ABI2: variants seen among roughly 807,000 people sequenced by gnomAD.
ABI2 encodes abl interactor 2, also known as abelson interactor 2.
ABI2 carries 25 observed loss-of-function variants against 59.2 expected under a neutral mutation model. The ratio of observed to expected loss-of-function variants is 0.42; its 90% CI spans 0.31 to 0.59. ABI2 has a LOEUF of 0.59. Ranked by LOEUF, ABI2 falls within the 20% of genes least tolerant of loss-of-function variation. ABI2 has a pLI of 0.14. For synonymous variants in ABI2, 213 were observed against 235.5 expected, an observed-to-expected ratio of 0.90 and a Z score of 0.87; for missense variants, 545 against 681.8, an observed-to-expected ratio of 0.80 and a Z score of 2.23.
At chr2:203,413,268 A>T (rs1419027964) in intron 10 of ABI2, among the ~76,000 whole-genome samples, 1 of 152,218 alleles carries the variant, frequency 6.6e-6, no homozygotes, top group Non-Finnish European at 1.5e-5. Flanking sequence ...TTAGCAAAAA[A>T]TGAGACTTGA....
At chr2:203,385,273 A>G (rs2096448053) in intron 4 of ABI2, among the ~76,000 whole-genome samples, 1 of 151,094 alleles carries the variant, frequency 6.6e-6, no homozygotes. Context: ...CTGGGACTAC[A>G]GGCGCCCGCC....
At chr2:203,388,063 A>G (rs536438935) in intron 4 of ABI2, among the ~76,000 whole-genome samples, 73 of 152,260 alleles carry the variant, frequency 4.8e-4, no homozygotes, top group African/African-American at 1.5e-3. Flanking sequence ...GATTTTACCT[A>G]TTATAAAAAT....
chr2:203,405,789 T>C (rs1009130250), intron 9 of ABI2, among the ~76,000 whole-genome samples: 5 of 152,144 alleles, frequency 3.3e-5, no homozygotes, highest in Non-Finnish European at 5.9e-5. Flanking sequence ...GAAGGTTTCA[T>C]GTGAATATAA....
chr2:203,363,970 G>A (rs1369140235), intron 1 of ABI2, among the ~76,000 whole-genome samples: 1 of 151,910 alleles, frequency 6.6e-6, no homozygotes, highest in Non-Finnish European at 1.5e-5. Context: ...TACCATGTTG[G>A]TCAGGCTGGT....
intron 1 of ABI2, 66 bp downstream of exon 1, chr2:203,328,697 G>A: frequency 1.7e-6 from 2 of 1,143,982 alleles, no homozygotes; most frequent in Non-Finnish European, 2.4e-6. Context: ...GCCTCGGGGC[G>A]TGGGGCCGAG....
chr2:203,337,354 C>T (rs981933359), intron 1 of ABI2, among the ~76,000 whole-genome samples: 2 of 152,124 alleles, frequency 1.3e-5, no homozygotes, highest in African/African-American at 4.8e-5. Flanking sequence ...ATATTAACTA[C>T]AAACGATCTG....
Position 203,414,355 on chromosome 2 carries a change from G to C in ABI2, c.1280-2553G>C, listed in dbSNP as rs867177836. ...GAGCTCAAATGATCCTCCTGCCTCAGCCTCCCAAAGTGCTGGGATTACAGG... is the reference window on the plus strand; with the variant it reads ...GAGCTCAAATGATCCTCCTGCCTCACCCTCCCAAAGTGCTGGGATTACAGG... On this transcript the variant is annotated intron_variant, in intron 10 of 11. Coordinates refer to ENST00000261018, the MANE Select transcript of ABI2 (RefSeq NM_001375670.1). Among the ~76,000 whole-genome samples, 11 of 152,234 alleles carry C rather than the reference G, an allele frequency of 7.2e-5. No homozygotes were observed. In the Middle Eastern group the frequency reaches 0.031, roughly 424 times the overall value.
intron 1 of ABI2, among the ~76,000 whole-genome samples, chr2:203,353,073 A>G (rs549317656): frequency 1.2e-4 from 19 of 152,348 alleles, no homozygotes; most frequent in Non-Finnish European, 2.6e-4. Flanking sequence ...GCACAGTGAC[A>G]GAATTGTCTA....
intron 2 of ABI2, among the ~76,000 whole-genome samples, chr2:203,374,329 G>A (rs2095529298): frequency 6.6e-6 from 1 of 151,764 alleles, no homozygotes; most frequent in African/African-American, 2.4e-5. Context: ...GTGAAACCCT[G>A]TCGCTACTAA....
intron 11 of ABI2, among the ~76,000 whole-genome samples, chr2:203,419,621 C>T (rs1173848197): frequency 6.6e-6 from 1 of 151,670 alleles, no homozygotes; most frequent in Non-Finnish European, 1.5e-5. Context: ...TCGTGATCTG[C>T]CCACCTCTGC....
chr2:203,332,339 C>T (rs2074170502), intron 1 of ABI2, among the ~76,000 whole-genome samples: 1 of 151,772 alleles, frequency 6.6e-6, no homozygotes, highest in Non-Finnish European at 1.5e-5. Context: ...TTAATATACA[C>T]ACCTAGGCCG....
intron 9 of ABI2, among the ~76,000 whole-genome samples, chr2:203,407,780 C>T (rs2097492211): frequency 1.3e-5 from 2 of 152,148 alleles, no homozygotes; most frequent in Admixed American, 1.3e-4. Flanking sequence ...TTGCTTCCTG[C>T]TCTTCTTTGC....
chr2:203,424,906 C>G (rs1372248585), intron 11 of ABI2, among the ~76,000 whole-genome samples: 1 of 152,096 alleles, frequency 6.6e-6, no homozygotes, highest in Non-Finnish European at 1.5e-5. Context: ...CAGTCTCACT[C>G]TGTTACCCAG....
chr2:203,328,622 C>G lies in ABI2; in HGVS notation c.108C>G (p.Asn36Lys), dbSNP rs140921530. The change falls in exon 1 of 12, where the codon AAC (asparagine) becomes AAG (lysine). Residue 36 changes from asparagine to lysine, a missense_variant. This residue lies in a region of ABI2 where 55 missense variants were observed against 59.7 expected (regional missense o/e 0.92). Coordinates refer to ENST00000261018, the MANE Select transcript of ABI2 (RefSeq NM_001375670.1). Reference protein sequence around the residue: ...LERVADYCENNYIQSADKQRA... With the variant: ...LERVADYCENKYIQSADKQRA... The stretch of plus-strand genomic sequence containing the variant: ...GGGTGGCCGATTACTGCGAGAACAA[C>G]TACATACAGGTGCGAAGCATCCCCA... 4 of 1,595,908 alleles carry G rather than the reference C, an allele frequency of 2.5e-6. No homozygotes were observed. Among genetic ancestry groups the G allele is most frequent in the East Asian group, 2.4e-5 (1 of 42,150 alleles).
At chr2:203,363,143 CT>C (rs1338613483) in intron 1 of ABI2, among the ~76,000 whole-genome samples, 4 of 45,032 alleles carry the variant, frequency 8.9e-5, no homozygotes, top group South Asian at 2.3e-3. Context: ...ATTTTAAATA[CT>C]TTTACATTAA....
At chr2:203,389,106 CAT>C (rs1464214602) in intron 4 of ABI2, among the ~76,000 whole-genome samples, 2 of 152,122 alleles carry the variant, frequency 1.3e-5, no homozygotes, top group African/African-American at 2.4e-5. Context: ...CATTATTTGT[CAT>C]ATTACTCCTA....
At chr2:203,411,751 C>T (rs1244945526) in intron 10 of ABI2, among the ~76,000 whole-genome samples, 2 of 152,084 alleles carry the variant, frequency 1.3e-5, no homozygotes, top group Non-Finnish European at 2.9e-5. Context: ...TTTTGTGATT[C>T]CAGATATCAG....
At chr2:203,372,691 T>G (rs1209605330) in intron 2 of ABI2, among the ~76,000 whole-genome samples, 68 of 109,804 alleles carry the variant, frequency 6.2e-4, no homozygotes, top group East Asian at 1.2e-3. Flanking sequence ...CTGCCGGGCG[T>G]AGGGGCTCCT....
At position 203,344,558 on chromosome 2, in the gene ABI2, G is replaced by T. The variant is rs945900428; in HGVS notation, c.117+15927G>T. Among the ~76,000 whole-genome samples the T allele has an allele frequency of 8.0e-4, 37 of 46,036 alleles. No individual in the cohort carries two copies. In the East Asian group the frequency reaches 0.02, roughly 25 times the overall value. 30.2% of individuals were successfully genotyped at this position (46,036 alleles called of 152,430 possible). A position where few individuals can be genotyped will look rare whatever the true frequency, so the allele number is the denominator to read the frequency against. On this transcript the variant is annotated intron_variant, in intron 1 of 11. Coordinates refer to ENST00000261018, the MANE Select transcript of ABI2 (RefSeq NM_001375670.1). ...TTTTTGCTTTGTTGTTGTTGTTGTT[G>T]TTGTTTTTGTTTTTTTTTTTTGAGT...
Sources: gnomAD v4.1 joint callset for allele counts (sites outside exome capture counted in the v4.1 genomes callset) on GRCh38, gnomAD v4.1.1 for gene constraint, gnomAD v4.1.1 regional missense constraint, MANE v1.5 for transcripts, NCBI Gene and HGNC (gene_info 2026-07-23, HGNC 2026-07-21) for gene names.